SLC15A5: variants seen among roughly 807,000 people sequenced by gnomAD.
SLC15A5 encodes the protein solute carrier family 15 member 5.
Under a neutral mutation model 56.1 loss-of-function variants are expected in SLC15A5, and 58 were observed. The ratio of observed to expected loss-of-function variants is 1.03; its 90% CI spans 0.84 to 1.29. The LOEUF (loss-of-function observed/expected upper bound fraction) is 1.29. SLC15A5 is among the 50% of genes most tolerant of loss of function. The pLI, the probability that SLC15A5 is intolerant of heterozygous loss-of-function variation, is 0.00. For missense variants in SLC15A5, 681 were observed against 672.1 expected (o/e 1.01, Z -0.15); for synonymous variants, 264 against 250.5 (o/e 1.05, Z -0.51).
Position 16,231,868 on chromosome 12 carries a change from A to G in SLC15A5, c.1163-7266T>C, listed in dbSNP as rs75847548. Among the ~76,000 whole-genome samples the G allele has an allele frequency of 1.5e-3, 222 of 152,354 alleles. 6 individuals are homozygous for G. The East Asian group carries it at 0.027, about 18-fold the overall frequency. The stretch of plus-strand genomic sequence containing the variant: ...AAGTATGCCTCAAAGCAGGAGGCTG[A>G]AGAAATCTTCTCTCAATAAGCTGAA... On this transcript the variant is annotated intron_variant, in intron 5 of 8. Transcript: ENST00000344941.
chr12:16,261,674 ATT>A (rs1864644298), intron 2 of SLC15A5, among the ~76,000 whole-genome samples: 1 of 152,160 alleles, frequency 6.6e-6, no homozygotes, highest in Non-Finnish European at 1.5e-5. Flanking sequence ...TAGTTGTAAC[ATT>A]TTTACATTAT....
chr12:16,239,294 A>T (rs73321932), intron 5 of SLC15A5, among the ~76,000 whole-genome samples: 9,362 of 152,286 alleles, frequency 0.061, 491 homozygotes, highest in African/African-American at 0.14. Flanking sequence ...CTAATCCTTA[A>T]TCAATTTTGT....
intron 2 of SLC15A5, among the ~76,000 whole-genome samples, chr12:16,259,019 C>T (rs929439484): frequency 0.013 from 759 of 56,328 alleles, no homozygotes; most frequent in Middle Eastern, 0.026. Flanking sequence ...TCTTTTCTTT[C>T]TTTCCTTTTT....
chr12:16,242,715 G>A (rs141788104), intron 4 of SLC15A5, among the ~76,000 whole-genome samples: 18 of 152,256 alleles, frequency 1.2e-4, no homozygotes, highest in Non-Finnish European at 1.0e-4. Flanking sequence ...AAAAATATAT[G>A]ACAGTGTGCA....
intron 5 of SLC15A5, among the ~76,000 whole-genome samples, chr12:16,228,549 C>T (rs1591648724): frequency 6.6e-6 from 1 of 152,152 alleles, no homozygotes; most frequent in Non-Finnish European, 1.5e-5. Flanking sequence ...CCAAAATACA[C>T]TTGACCCTTG....
chr12:16,193,756 C>T (rs933740854), intron 8 of SLC15A5, among the ~76,000 whole-genome samples: 1 of 111,710 alleles, frequency 9.0e-6, no homozygotes, highest in Non-Finnish European at 1.8e-5. Flanking sequence ...CAAAAGTACA[C>T]AGCTGTCCAA....
At chr12:16,230,922 C>CAAA (rs35415868) in intron 5 of SLC15A5, among the ~76,000 whole-genome samples, 1 of 145,952 alleles carries the variant, frequency 6.9e-6, no homozygotes, top group African/African-American at 2.5e-5. Flanking sequence ...GACTCCGTCT[C>CAAA]AAAAAAAAAA....
chr12:16,200,988 C>G (rs67268090), intron 7 of SLC15A5, among the ~76,000 whole-genome samples: 10,703 of 152,022 alleles, frequency 0.07, 511 homozygotes, highest in Non-Finnish European at 0.11. Context: ...CAAATCCAAT[C>G]AGAATATGTA....
chr12:16,219,387 T>C (rs561975631), intron 6 of SLC15A5, among the ~76,000 whole-genome samples: 2 of 152,282 alleles, frequency 1.3e-5, no homozygotes, highest in African/African-American at 4.8e-5. Context: ...TTCACAGTTA[T>C]AAAAAGGATT....
intron 7 of SLC15A5, among the ~76,000 whole-genome samples, chr12:16,201,305 C>A (rs1159262375): frequency 2.0e-5 from 3 of 152,056 alleles, no homozygotes; most frequent in Non-Finnish European, 4.4e-5. Flanking sequence ...GAGCAAAAAA[C>A]AAAGATGGAG....
chr12:16,190,195 T>C (rs1037401675), intron 8 of SLC15A5, among the ~76,000 whole-genome samples: 2 of 152,170 alleles, frequency 1.3e-5, no homozygotes, highest in Non-Finnish European at 2.9e-5. Flanking sequence ...GAAAGCACCA[T>C]TGTCAAAGAA....
At chr12:16,262,273 T>C (rs1452648185) in intron 2 of SLC15A5, among the ~76,000 whole-genome samples, 1 of 152,254 alleles carries the variant, frequency 6.6e-6, no homozygotes, top group Non-Finnish European at 1.5e-5. Context: ...CATTTTCTTG[T>C]TAATGCAGCC....
chr12:16,275,696 T>G (rs1390537373), intron 1 of SLC15A5, among the ~76,000 whole-genome samples: 1 of 152,014 alleles, frequency 6.6e-6, no homozygotes, highest in Non-Finnish European at 1.5e-5. Flanking sequence ...AGTAAAAAAA[T>G]GAATGGATGT....
At chr12:16,213,063 A>G (rs1004193118) in intron 7 of SLC15A5, among the ~76,000 whole-genome samples, 4 of 152,096 alleles carry the variant, frequency 2.6e-5, no homozygotes, top group Non-Finnish European at 5.9e-5. Context: ...AAAGTAACAT[A>G]CTTGTCCTGA....
intron 6 of SLC15A5, among the ~76,000 whole-genome samples, chr12:16,218,545 C>G (rs1481291356): frequency 1.3e-5 from 2 of 152,090 alleles, no homozygotes; most frequent in African/African-American, 4.8e-5. Context: ...ATATGGGTAG[C>G]CCATCACTCC....
At chr12:16,236,728 A>C (rs1388620246) in intron 5 of SLC15A5, among the ~76,000 whole-genome samples, 4 of 152,154 alleles carry the variant, frequency 2.6e-5, no homozygotes. Flanking sequence ...GAAGGAGAAT[A>C]CGAATACCTG....
chr12:16,244,794 G>C lies in SLC15A5; in HGVS notation c.761C>G (p.Ser254Cys), dbSNP rs1160547924. 6.5e-7 allele frequency: 1 copy of C among 1,537,622 alleles called. No individual in the cohort carries two copies. The highest frequency in any genetic ancestry group is 1.4e-5 in the African/African-American group (1 of 73,152). The part of the protein sequence containing the change: ...NLIYQSEKRC[S>C]LLTGVGVLVS... ...CAACACCCCAACGCCTGTCAGGAGA[G>C]AACAACCTGCAAGTAATCGGAGATA... is the stretch of plus-strand genomic sequence containing the variant. The change falls in exon 4 of 9, where the codon TCT (serine) becomes TGT (cysteine). Residue 254 changes from serine (S) to cysteine (C), a missense_variant. Coordinates refer to ENST00000344941, the MANE Select transcript of SLC15A5 (RefSeq NM_001170798.1).
At chr12:16,250,898 C>CA (rs1371808640) in intron 3 of SLC15A5, among the ~76,000 whole-genome samples, 9 of 151,558 alleles carry the variant, frequency 5.9e-5, no homozygotes, top group Admixed American at 4.6e-4. Context: ...ACATAAGCCC[C>CA]AATGAAAGAC....
At chr12:16,260,518 C>T (rs1864632696) in intron 2 of SLC15A5, among the ~76,000 whole-genome samples, 1 of 151,188 alleles carries the variant, frequency 6.6e-6, no homozygotes, top group Non-Finnish European at 1.5e-5. Context: ...CTTTTCCTAT[C>T]ATTGATTTGT....
Sources: allele counts gnomAD v4.1 joint callset (sites outside exome capture counted in the v4.1 genomes callset), GRCh38; gene constraint gnomAD v4.1.1; transcripts MANE v1.5; gene names NCBI Gene and HGNC (gene_info 2026-07-23, HGNC 2026-07-21).